The following LIPH variants were observed in gnomAD, a reference collection of about 807,000 sequenced individuals.
LIPH encodes the protein lipase H, also known as lipase member H.
In LIPH, 32 loss-of-function variants were observed where a neutral mutation model predicts 47.6. The observed-to-expected ratio is 0.67, with a 90% CI of 0.51 to 0.90. The LOEUF (loss-of-function observed/expected upper bound fraction) is 0.90, where lower values mean the gene tolerates loss of function less well. Ranked by LOEUF, LIPH falls within the 40% of genes least tolerant of loss-of-function variation. The probability of loss-of-function intolerance (pLI) is 0.00; values close to 1 mark genes in which losing one functional copy is unlikely to be tolerated. For synonymous variants in LIPH, 190 were observed against 195.6 expected, an observed-to-expected ratio of 0.97 and a Z score of 0.24; for missense variants, 497 against 541.4, an observed-to-expected ratio of 0.92 and a Z score of 0.81.
chr3:185,516,002 C>T (rs931040413), intron 7 of LIPH, among the ~76,000 whole-genome samples: 5 of 152,212 alleles, frequency 3.3e-5, no homozygotes, highest in East Asian at 3.9e-4. Context: ...GGCATGGTGG[C>T]GCATGCCCGA....
intron 1 of LIPH, among the ~76,000 whole-genome samples, chr3:185,536,115 T>G (rs760162266): frequency 9.9e-5 from 15 of 152,224 alleles, no homozygotes; most frequent in Non-Finnish European, 2.1e-4. Flanking sequence ...GAAAACCCAC[T>G]TTCAGGCACA....
intron 1 of LIPH, among the ~76,000 whole-genome samples, chr3:185,538,767 G>GCCCCTTTTACCTTTAAT (rs58566219): frequency 8.3e-5 from 1 of 12,114 alleles, no homozygotes; most frequent in African/African-American, 1.8e-4. Flanking sequence ...ACATATATAT[G>GCCCCTTTTACCTTTAAT]TACATATATA....
intron 1 of LIPH, among the ~76,000 whole-genome samples, chr3:185,548,334 G>A (rs1298821426): frequency 6.6e-6 from 1 of 151,880 alleles, no homozygotes; most frequent in Non-Finnish European, 1.5e-5. Flanking sequence ...GAACCAGGGA[G>A]GCGGAGGTTG....
chr3:185,534,295 G>A (rs1188045547), intron 2 of LIPH, among the ~76,000 whole-genome samples: 2 of 151,976 alleles, frequency 1.3e-5, no homozygotes, highest in Non-Finnish European at 1.5e-5. Context: ...GGCAAAGGTT[G>A]CGGTGAGCTG....
intron 1 of LIPH, among the ~76,000 whole-genome samples, chr3:185,548,256 T>G (rs1720940374): frequency 6.6e-6 from 1 of 151,590 alleles, no homozygotes. Flanking sequence ...AATACAAAAA[T>G]TAGCTGGGCG....
chr3:185,545,319 T>C (rs1720837200), intron 1 of LIPH, among the ~76,000 whole-genome samples: 1 of 152,188 alleles, frequency 6.6e-6, no homozygotes, highest in African/African-American at 2.4e-5. Context: ...TTCCCTTCTA[T>C]CTCTTAAAAG....
intron 1 of LIPH, among the ~76,000 whole-genome samples, chr3:185,542,736 G>A (rs1016953373): frequency 5.3e-5 from 8 of 152,176 alleles, no homozygotes; most frequent in African/African-American, 9.7e-5. Context: ...CTCAACAGAT[G>A]ATTGGAAAAA....
intron 1 of LIPH, among the ~76,000 whole-genome samples, chr3:185,539,537 A>G (rs1472694526): frequency 6.6e-6 from 1 of 150,534 alleles, no homozygotes; most frequent in Non-Finnish European, 1.5e-5. Flanking sequence ...CGCTAAGCTA[A>G]TTTTTGTATT....
At chr3:185,512,197 G>A (rs2148946518) in intron 8 of LIPH, among the ~76,000 whole-genome samples, 1 of 152,222 alleles carries the variant, frequency 6.6e-6, no homozygotes, top group South Asian at 2.1e-4. Flanking sequence ...CCGTTAAACT[G>A]CATCCCTAGA....
chr3:185,539,349 C>G lies in LIPH; in HGVS notation c.50-4217G>C, dbSNP rs574297876. On this transcript the variant is annotated intron_variant, in intron 1 of 9. Transcript: ENST00000296252. ...TCTTTATCCTTTTCACCTTCTGAATCCCTTTATTTTACAGATCTTTTTTTT... is the reference window on the plus strand; with the variant it reads ...TCTTTATCCTTTTCACCTTCTGAATGCCTTTATTTTACAGATCTTTTTTTT... Among the ~76,000 whole-genome samples, 6 of 151,406 alleles carry G rather than the reference C, an allele frequency of 4.0e-5. No individual in the cohort carries two copies. In the South Asian group the frequency reaches 6.3e-4, roughly 16 times the overall value.
At chr3:185,528,323 G>GAAGAAAGAAAGAAAGAAAGAAGA (rs1720184830) in intron 3 of LIPH, among the ~76,000 whole-genome samples, 1 of 125,604 alleles carries the variant, frequency 8.0e-6, no homozygotes, top group Non-Finnish European at 1.6e-5. Context: ...AAGAAAGAAA[G>GAAGAAAGAAAGAAAGAAAGAAGA]AAGAAAGAAA....
Position 185,519,173 on chromosome 3 carries a change from G to A in LIPH, c.855C>T (p.Gly285=). ...GGGGACAGGACTCTTTTTGTGACGT[G>A]CCGCAGCTGACACACTTGCCATTCC... ...DYRNGKCVSC[G]TSQKESCPLL... Residue 285 remains glycine (G), a synonymous_variant, in exon 6 of 10, where the codon GGC becomes GGT. Coordinates refer to ENST00000296252, the MANE Select transcript of LIPH (RefSeq NM_139248.3). The A allele has an allele frequency of 6.2e-7, 1 of 1,614,044 alleles. No homozygotes were observed. Among genetic ancestry groups the A allele is most frequent in the Non-Finnish European group, 8.5e-7 (1 of 1,179,898 alleles).
intron 1 of LIPH, among the ~76,000 whole-genome samples, chr3:185,549,160 T>C (rs1720978509): frequency 6.6e-6 from 1 of 151,850 alleles, no homozygotes; most frequent in African/African-American, 2.4e-5. Flanking sequence ...TATTTGTTTC[T>C]TTTTTACCCT....
chr3:185,544,998 C>A (rs1444265046), intron 1 of LIPH, among the ~76,000 whole-genome samples: 1 of 151,664 alleles, frequency 6.6e-6, no homozygotes, highest in Admixed American at 6.6e-5. Flanking sequence ...CTTCAGAAAG[C>A]AAAATCCTTT....
chr3:185,528,347 A>AAAGAAAGAAAGAAAGAAAGAAAGG (rs1425387570), intron 3 of LIPH, among the ~76,000 whole-genome samples: 4 of 151,802 alleles, frequency 2.6e-5, no homozygotes, highest in African/African-American at 9.7e-5. Context: ...AGAAAGAAAG[A>AAAGAAAGAAAGAAAGAAAGAAAGG]AAGAAAGAAA....
At position 185,527,599 on chromosome 3, in the gene LIPH, A is replaced by AGGTC; in HGVS notation, c.527-15_527-14insGACC. ...CAGGGTCGAGGCCTGGAAGGAAAAC[A>AGGTC]GAGTCACTTGGCAGCCCCACACCAT... On this transcript the variant is annotated splice_polypyrimidine_tract_variant and intron_variant, in intron 3 of 9. Coordinates refer to ENST00000296252, the MANE Select transcript of LIPH (RefSeq NM_139248.3). 6.4e-7 allele frequency: 1 copy of AGGTC among 1,561,650 alleles called. No homozygotes were observed. The highest frequency in any genetic ancestry group is 8.8e-7 in the Non-Finnish European group (1 of 1,134,062).
intron 4 of LIPH, among the ~76,000 whole-genome samples, chr3:185,526,351 T>C (rs1201399837): frequency 1.3e-5 from 2 of 151,774 alleles, no homozygotes; most frequent in African/African-American, 4.8e-5. Context: ...TGAAACCCTG[T>C]CTCTAGTAAA....
Position 185,508,528 on chromosome 3 carries a change from C to A in LIPH, c.*262G>T, listed in dbSNP as rs1719452651. 2 of 482,338 alleles carry A rather than the reference C, an allele frequency of 4.1e-6. No individual in the cohort carries two copies. Among genetic ancestry groups the A allele is most frequent in the Admixed American group, 3.3e-5 (1 of 30,386 alleles). 29.9% of individuals were successfully genotyped at this position (482,338 alleles called of 1,614,324 possible). ...AATTGACAGGTCGGAACAAGGGAGG[C>A]CCCAGGACACAGCAGACACAGCGCT... On this transcript the variant is annotated 3_prime_UTR_variant, in exon 10 of 10. Coordinates refer to ENST00000296252, the MANE Select transcript of LIPH (RefSeq NM_139248.3).
In LIPH at chr3:185,527,656, T is replaced by C. The variant is rs1283380533; in HGVS notation, c.527-71A>G. 3 of 970,854 alleles carry C rather than the reference T, an allele frequency of 3.1e-6. No individual in the cohort carries two copies. In the Admixed American group the frequency reaches 5.4e-5, roughly 17 times the overall value. The allele number at this position is 970,854 out of a possible 1,614,324, so 60.1% of individuals were successfully genotyped here. ...CCTGCAGCCGGGCCTTTGATCCTTC[T>C]GGATGAGGGTGGCTCCCAGGCTGCA... On this transcript the variant is annotated intron_variant, in intron 3 of 9. Transcript: ENST00000296252.
Sources: allele counts gnomAD v4.1 joint callset (sites outside exome capture counted in the v4.1 genomes callset), GRCh38; gene constraint gnomAD v4.1.1; transcripts MANE v1.5; gene names NCBI Gene and HGNC (gene_info 2026-07-23, HGNC 2026-07-21).